FBXO42: variants seen among roughly 807,000 people sequenced by gnomAD.
FBXO42 encodes the protein F-box only protein 42.
In FBXO42, 12 loss-of-function variants were observed where a neutral mutation model predicts 71.7. That is an observed-to-expected ratio of 0.17 (90% CI 0.11 to 0.27). FBXO42 has a LOEUF of 0.27. FBXO42 is among the 10% of genes least tolerant of loss of function. The pLI, the probability that FBXO42 is intolerant of heterozygous loss-of-function variation, is 1.00. For synonymous variants in FBXO42, 325 were observed against 327.5 expected, an observed-to-expected ratio of 0.99 and a Z score of 0.08; for missense variants, 707 against 911.9, an observed-to-expected ratio of 0.78 and a Z score of 2.89.
At chr1:16,277,095 T>C (rs112509117) in intron 4 of FBXO42, among the ~76,000 whole-genome samples, 79 of 152,302 alleles carry the variant, frequency 5.2e-4, no homozygotes, top group Non-Finnish European at 1.0e-3. Context: ...TAGAACTGGA[T>C]TGTCTCATTC....
rs116365071 is a variant in FBXO42 at position 16,254,714 on chromosome 1, A to G, written c.768-983T>C. Among the ~76,000 whole-genome samples, 706 of 152,294 alleles carry G rather than the reference A, an allele frequency of 4.6e-3. 7 individuals carry two copies. Among genetic ancestry groups the G allele is most frequent in the African/African-American group, 0.016 (660 of 41,546 alleles). On this transcript the variant is annotated intron_variant, in intron 6 of 9. Transcript: ENST00000375592. The stretch of plus-strand genomic sequence containing the variant: ...TGCTGCTGACAGCTCATCAACTTCC[A>G]CTTCAGAGCACAGGGGGAATGACCA...
chr1:16,307,703 C>CA (rs1164042064), intron 2 of FBXO42, among the ~76,000 whole-genome samples: 2 of 151,870 alleles, frequency 1.3e-5, no homozygotes, highest in African/African-American at 4.8e-5. Flanking sequence ...ACATTCGCAC[C>CA]AAAAAATGAA....
intron 1 of FBXO42, among the ~76,000 whole-genome samples, chr1:16,350,283 A>G (rs2082686973): frequency 6.6e-6 from 1 of 152,150 alleles, no homozygotes; most frequent in African/African-American, 2.4e-5. Flanking sequence ...CATAATGATG[A>G]GCCACCAGGA....
chr1:16,320,640 G>A (rs2082403736), intron 1 of FBXO42, among the ~76,000 whole-genome samples: 1 of 150,950 alleles, frequency 6.6e-6, no homozygotes, highest in Non-Finnish European at 1.5e-5. Flanking sequence ...AGTAGCTGGC[G>A]CACATCACTA....
Position 16,247,541 on chromosome 1 carries a change from TTCCTCC to T in FBXO42, c.*3123_*3128del, listed in dbSNP as rs748168388. On this transcript the variant is annotated 3_prime_UTR_variant, in exon 10 of 10. Coordinates refer to ENST00000375592, the MANE Select transcript of FBXO42 (RefSeq NM_018994.3). ...AGGCTTCTTAAGTTGGTTTTCTTTC[TTCCTCC>T]TCCTCCTCCTCTTTTCTTTATTTTA... 1 of 138,132 alleles carries T rather than the reference TTCCTCC, an allele frequency of 7.2e-6. No homozygotes were observed. The highest frequency in any genetic ancestry group is 2.5e-5 in the African/African-American group (1 of 40,288). The allele number at this position is 138,132 out of a possible 1,614,324, so 8.6% of individuals were successfully genotyped here.
At chr1:16,305,304 C>A (rs1173009287) in intron 3 of FBXO42, among the ~76,000 whole-genome samples, 1 of 152,286 alleles carries the variant, frequency 6.6e-6, no homozygotes, top group South Asian at 2.1e-4. Context: ...AGAAGGACTG[C>A]CTGAGCCGAG....
chr1:16,267,614 CA>C (rs1480140262), intron 4 of FBXO42, among the ~76,000 whole-genome samples: 1 of 152,198 alleles, frequency 6.6e-6, no homozygotes, highest in Admixed American at 6.5e-5. Context: ...TAAAGCCAAA[CA>C]TTTTTTTGGG....
intron 2 of FBXO42, among the ~76,000 whole-genome samples, chr1:16,310,444 T>C (rs192652591): frequency 1.3e-4 from 20 of 152,058 alleles, no homozygotes; most frequent in East Asian, 5.8e-4. Flanking sequence ...ATTTGGAGGA[T>C]TGCTTGAGCC....
intron 4 of FBXO42, among the ~76,000 whole-genome samples, chr1:16,272,101 G>A (rs1432298400): frequency 1.5e-5 from 2 of 137,064 alleles, no homozygotes; most frequent in Non-Finnish European, 3.1e-5. Flanking sequence ...GTTGCAGTGA[G>A]CCAAGATTGT....
At chr1:16,315,035 C>G in intron 2 of FBXO42, 134 bp downstream of exon 2, 2 of 906,268 alleles carry the variant, frequency 2.2e-6, no homozygotes, top group Non-Finnish European at 3.2e-6. Flanking sequence ...AGAAAGAAAA[C>G]CGGGTAGTAT....
chr1:16,265,193 A>T (rs1039355636), intron 4 of FBXO42, among the ~76,000 whole-genome samples: 3 of 152,162 alleles, frequency 2.0e-5, no homozygotes, highest in Non-Finnish European at 4.4e-5. Flanking sequence ...TCCCAGTTTC[A>T]ACGGATTCTC....
At chr1:16,345,820 C>A (rs2082650275) in intron 1 of FBXO42, among the ~76,000 whole-genome samples, 1 of 150,152 alleles carries the variant, frequency 6.7e-6, no homozygotes, top group Non-Finnish European at 1.5e-5. Flanking sequence ...TGCACTCCCG[C>A]CTGGGCGACA....
chr1:16,252,527 G>A lies in FBXO42; in HGVS notation c.922-123C>T. 7 of 701,880 alleles carry A rather than the reference G, an allele frequency of 1.0e-5. No individual in the cohort carries two copies. The highest frequency in any genetic ancestry group is 1.2e-5 in the Non-Finnish European group (5 of 409,784). The allele number at this position is 701,880 out of a possible 1,614,324, so 43.5% of individuals were successfully genotyped here. A position where few individuals can be genotyped will look rare whatever the true frequency, so the allele number is the denominator to read the frequency against. ...TGAAAGGATGTGGACTCTTCAGAAG[G>A]ATAGCAAAATCCTCAGTTAATTATT... is the stretch of plus-strand genomic sequence containing the variant. On this transcript the variant is annotated intron_variant, in intron 8 of 9. Transcript: ENST00000375592. The surrounding 1 kb of genome is among the most constrained non-coding windows in gnomAD (Gnocchi z 4.4).
chr1:16,271,258 G>GGTGTGTGTGTGTGTGTGTGT (rs57827739), intron 4 of FBXO42, among the ~76,000 whole-genome samples: 4 of 137,506 alleles, frequency 2.9e-5, no homozygotes, highest in African/African-American at 8.2e-5. Context: ...TGTGTGTGTT[G>GGTGTGTGTGTGTGTGTGTGT]GTGTGTGTGT....
chr1:16,310,909 G>A (rs893647805), intron 2 of FBXO42, among the ~76,000 whole-genome samples: 2 of 151,798 alleles, frequency 1.3e-5, no homozygotes, highest in African/African-American at 4.8e-5. Context: ...AGAAGGTGGA[G>A]GTTGCAGTGA....
intron 6 of FBXO42, among the ~76,000 whole-genome samples, chr1:16,254,387 C>T (rs1394790804): frequency 2.0e-5 from 3 of 152,186 alleles, no homozygotes; most frequent in Non-Finnish European, 4.4e-5. Flanking sequence ...AAAGCTTTAT[C>T]GATTCTGGCT....
chr1:16,271,366 C>T (rs964768690), intron 4 of FBXO42, among the ~76,000 whole-genome samples: 4 of 151,576 alleles, frequency 2.6e-5, no homozygotes, highest in South Asian at 4.2e-4. Context: ...CTGCAACCTT[C>T]GCCTCCTAGG....
intron 3 of FBXO42, among the ~76,000 whole-genome samples, chr1:16,304,331 C>G (rs539211759): frequency 4.0e-4 from 61 of 151,750 alleles, no homozygotes; most frequent in African/African-American, 1.5e-3. Context: ...GTTGGCCAGG[C>G]TGGTCTCAAA....
intron 3 of FBXO42, among the ~76,000 whole-genome samples, chr1:16,297,905 T>TGGCTCAC (rs1250309450): frequency 2.1e-5 from 3 of 143,610 alleles, no homozygotes; most frequent in African/African-American, 7.7e-5. Flanking sequence ...AATGAATCCA[T>TGGCTCAC]GGCTCACATG....
Sources: gnomAD v4.1 joint callset for allele counts (sites outside exome capture counted in the v4.1 genomes callset) on GRCh38, gnomAD v4.1.1 for gene constraint, Gnocchi (gnomAD v3.1) non-coding constraint, MANE v1.5 for transcripts, NCBI Gene and HGNC (gene_info 2026-07-23, HGNC 2026-07-21) for gene names.